Variants in CYP39A1 observed in about 807,000 individuals in gnomAD.
The protein encoded by CYP39A1 is cytochrome P450 family 39 subfamily A member 1.
Under a neutral mutation model 58.1 loss-of-function variants are expected in CYP39A1, and 49 were observed. The observed-to-expected ratio is 0.84, with a 90% CI of 0.67 to 1.07. The LOEUF is 1.07. Ranked by LOEUF, CYP39A1 falls within the 50% of genes least tolerant of loss-of-function variation. The probability of loss-of-function intolerance (pLI) is 0.00; values close to 1 mark genes in which losing one functional copy is unlikely to be tolerated. For missense variants in CYP39A1, 531 were observed against 539.4 expected (o/e 0.98, Z 0.16); for synonymous variants, 209 against 187.6 (o/e 1.11, Z -0.93).
At chr6:46,554,654 C>T (rs554447453) in intron 10 of CYP39A1, among the ~76,000 whole-genome samples, 5 of 152,124 alleles carry the variant, frequency 3.3e-5, no homozygotes, top group African/African-American at 1.2e-4. Context: ...GTTATTTTTC[C>T]CTGTGTCCCA....
intron 10 of CYP39A1, among the ~76,000 whole-genome samples, chr6:46,556,815 C>A (rs1271521452): frequency 6.6e-6 from 1 of 152,124 alleles, no homozygotes; most frequent in Non-Finnish European, 1.5e-5. Context: ...TGGCACTTAA[C>A]ATTTACGTCT....
chr6:46,618,305 A>C (rs1179837753), intron 7 of CYP39A1, among the ~76,000 whole-genome samples: 2 of 152,170 alleles, frequency 1.3e-5, no homozygotes, highest in East Asian at 3.9e-4. Context: ...TACACCATTA[A>C]TAAGTGTCTC....
At chr6:46,596,796 T>C (rs925841375) in intron 7 of CYP39A1, among the ~76,000 whole-genome samples, 1 of 152,126 alleles carries the variant, frequency 6.6e-6, no homozygotes, top group Non-Finnish European at 1.5e-5. Context: ...TCTAAAGTAA[T>C]GGCAGGAACT....
intron 10 of CYP39A1, among the ~76,000 whole-genome samples, chr6:46,584,010 T>C (rs1296476016): frequency 2.0e-5 from 3 of 152,106 alleles, no homozygotes; most frequent in Non-Finnish European, 4.4e-5. Context: ...CAAGAACGAG[T>C]GCAATTTTCT....
At chr6:46,593,640 C>G (rs946579059) in intron 8 of CYP39A1, among the ~76,000 whole-genome samples, 1 of 152,074 alleles carries the variant, frequency 6.6e-6, no homozygotes, top group Non-Finnish European at 1.5e-5. Context: ...TATCTGTGTT[C>G]TATTACAAAA....
intron 10 of CYP39A1, among the ~76,000 whole-genome samples, chr6:46,574,132 T>TGTTTTATGAGCA (rs1383058090): frequency 6.6e-6 from 1 of 152,242 alleles, no homozygotes; most frequent in Admixed American, 6.5e-5. Flanking sequence ...TCTACTGCTC[T>TGTTTTATGAGCA]GTTTTATGTT....
chr6:46,568,693 G>T (rs976574278), intron 10 of CYP39A1, among the ~76,000 whole-genome samples: 3 of 151,972 alleles, frequency 2.0e-5, no homozygotes, highest in Non-Finnish European at 4.4e-5. Flanking sequence ...AAAATCATTT[G>T]ACCACATATT....
chr6:46,630,127 C>A (rs1330989306), intron 6 of CYP39A1, among the ~76,000 whole-genome samples: 5 of 142,976 alleles, frequency 3.5e-5, no homozygotes, highest in African/African-American at 1.2e-4. Context: ...ACAACAACAA[C>A]AACAAAAAAA....
At chr6:46,562,991 T>C (rs1368942404) in intron 10 of CYP39A1, among the ~76,000 whole-genome samples, 2 of 152,014 alleles carry the variant, frequency 1.3e-5, no homozygotes, top group Admixed American at 1.3e-4. Flanking sequence ...ATAGTATTGA[T>C]ATTTATATTA....
intron 5 of CYP39A1, among the ~76,000 whole-genome samples, chr6:46,635,984 A>C (rs370123123): frequency 7.2e-5 from 11 of 152,190 alleles, no homozygotes; most frequent in African/African-American, 7.2e-5. Flanking sequence ...CTGGCTTTTT[A>C]AATTATACTA....
chr6:46,635,873 T>G (rs989391355), intron 5 of CYP39A1, among the ~76,000 whole-genome samples: 1 of 152,034 alleles, frequency 6.6e-6, no homozygotes, highest in Non-Finnish European at 1.5e-5. Context: ...TACTGCAGAG[T>G]TTCTGACTGA....
intron 10 of CYP39A1, among the ~76,000 whole-genome samples, chr6:46,574,199 T>C (rs1434416268): frequency 2.0e-5 from 3 of 152,226 alleles, no homozygotes; most frequent in Admixed American, 6.5e-5. Context: ...TGCACCAGTT[T>C]CTGGGGTCAA....
chr6:46,640,619 T>C (rs1490741661), intron 2 of CYP39A1, among the ~76,000 whole-genome samples: 1 of 152,218 alleles, frequency 6.6e-6, no homozygotes, highest in Non-Finnish European at 1.5e-5. Flanking sequence ...TTAAAAAAAT[T>C]TTGAATTTTA....
intron 8 of CYP39A1, 32 bp downstream of exon 8, chr6:46,595,955 G>T: frequency 1.3e-6 from 2 of 1,592,788 alleles, no homozygotes; most frequent in Non-Finnish European, 1.7e-6. Flanking sequence ...TTTGTAGAAG[G>T]TTGATTCATT....
chr6:46,553,707 G>T, intron 11 of CYP39A1, 60 bp downstream of exon 11: 1 of 1,119,050 alleles, frequency 8.9e-7, no homozygotes. Flanking sequence ...TGGGGGAAGT[G>T]GGGGTGGTTA....
At chr6:46,553,222 G>T (rs911678764) in intron 11 of CYP39A1, among the ~76,000 whole-genome samples, 6 of 151,964 alleles carry the variant, frequency 3.9e-5, no homozygotes, top group African/African-American at 1.5e-4. Flanking sequence ...ACACCAATTC[G>T]AGAGCCACTG....
Position 46,637,972 on chromosome 6 carries a change from G to C in CYP39A1, c.495C>G (p.Leu165=). ...GCATATTCACTGTGACTGGATAAAG[G>C]AGATGTCTACAAAGACAGAAACACA... ...TMDLNNLVRH[L]LYPVTVNMLF... The change falls in exon 4 of 12, where the codon CTC becomes CTG. Residue 165 remains leucine (L), a synonymous_variant. Coordinates refer to ENST00000275016, the MANE Select transcript of CYP39A1 (RefSeq NM_016593.5). The C allele has an allele frequency of 6.2e-7, 1 of 1,603,052 alleles. No individual in the cohort carries two copies. The highest frequency in any genetic ancestry group is 8.5e-7 in the Non-Finnish European group (1 of 1,177,536).
chr6:46,556,276 G>C (rs963792387), intron 10 of CYP39A1, among the ~76,000 whole-genome samples: 1 of 152,170 alleles, frequency 6.6e-6, no homozygotes, highest in Non-Finnish European at 1.5e-5. Flanking sequence ...ACAGTGCAAG[G>C]ACAGAAAAAA....
intron 10 of CYP39A1, among the ~76,000 whole-genome samples, chr6:46,573,784 A>C (rs1345399435): frequency 2.0e-5 from 3 of 152,220 alleles, no homozygotes; most frequent in Non-Finnish European, 4.4e-5. Flanking sequence ...TGTCTGAGAC[A>C]GGCATTTGAC....
Sources: allele counts gnomAD v4.1 joint callset (sites outside exome capture counted in the v4.1 genomes callset), GRCh38; gene constraint gnomAD v4.1.1; transcripts MANE v1.5; gene names NCBI Gene and HGNC (gene_info 2026-07-23, HGNC 2026-07-21).